The following FBLN7 variants were observed in gnomAD, a reference collection of about 807,000 sequenced individuals.
FBLN7 encodes the protein fibulin-7.
FBLN7 carries 31 observed loss-of-function variants against 44.0 expected under a neutral mutation model. The observed-to-expected ratio is 0.70, with a 90% confidence interval of 0.53 to 0.95. The LOEUF (loss-of-function observed/expected upper bound fraction) is 0.95. Ranked by LOEUF, FBLN7 falls within the 40% of genes least tolerant of loss-of-function variation. The pLI, the probability that FBLN7 is intolerant of heterozygous loss-of-function variation, is 0.00. For synonymous variants in FBLN7, 262 were observed against 253.4 expected, an observed-to-expected ratio of 1.03 and a Z score of -0.32; for missense variants, 573 against 618.5, an observed-to-expected ratio of 0.93 and a Z score of 0.78.
At chr2:112,228,704 G>A in the FBLN7 span, among the ~76,000 whole-genome samples, 609 of 152,056 alleles carry the variant, frequency 4.0e-3, 2 homozygotes, top group Non-Finnish European at 5.8e-3. Context: ...GATACAACAC[G>A]GAAAGCATGA....
rs140000827 is a variant in FBLN7, at chr2:112,159,700, C to T, written c.100C>T (p.Leu34Phe). 1.3e-6 allele frequency: 2 copies of T among 1,575,082 alleles called. No homozygotes were observed. Among genetic ancestry groups the T allele is most frequent in the African/African-American group, 2.8e-5 (2 of 72,342 alleles). ...GAACTGTCTCAGCAAACAGCAGCTCCTCTCGGCCATCCGCCAGCTGCAGCA... is the reference window on the plus strand; with the variant it reads ...GAACTGTCTCAGCAAACAGCAGCTCTTCTCGGCCATCCGCCAGCTGCAGCA... ...SQNCLSKQQLLSAIRQLQQLL... is the reference protein window; with the variant it reads ...SQNCLSKQQLFSAIRQLQQLL... The change falls in exon 2 of 8, where the codon CTC becomes TTC. Residue 34 changes from leucine (L) to phenylalanine (F), a missense_variant. Transcript: ENST00000331203.
At chr2:112,186,152 A>T (rs1195214677) in intron 7 of FBLN7, among the ~76,000 whole-genome samples, 1 of 152,156 alleles carries the variant, frequency 6.6e-6, no homozygotes, top group Non-Finnish European at 1.5e-5. Context: ...AGGGATAGGG[A>T]ACGGGTCTAT....
intron 1 of FBLN7, among the ~76,000 whole-genome samples, chr2:112,143,260 G>C (rs1041821762): frequency 1.1e-4 from 17 of 152,232 alleles, no homozygotes; most frequent in African/African-American, 3.9e-4. Flanking sequence ...CACTGGAAGA[G>C]AAACACCTCA....
downstream of FBLN7, among the ~76,000 whole-genome samples, chr2:112,191,245 G>A (rs550419693): frequency 3.9e-5 from 6 of 152,018 alleles, no homozygotes; most frequent in South Asian, 1.0e-3. Context: ...GTGCAATCTT[G>A]GCTCACTGCA....
Position 112,141,066 on chromosome 2 carries a change from G to C in FBLN7, c.75+2336G>C, listed in dbSNP as rs376998921. ...AGTAGCCCTGGCAAGCCAGGGTGAG[G>C]GGCCCGGCCATGGACTGCCGACCCC... On this transcript the variant is annotated intron_variant, in intron 1 of 7. Transcript: ENST00000331203. 7.3e-4 allele frequency among the ~76,000 whole-genome samples: 111 copies of C among 152,314 alleles called. 1 individual carries two copies. The highest frequency in any genetic ancestry group is 2.6e-3 in the African/African-American group (108 of 41,570).
the FBLN7 span, among the ~76,000 whole-genome samples, chr2:112,207,310 T>TA: frequency 2.6e-5 from 4 of 151,926 alleles, no homozygotes; most frequent in South Asian, 6.2e-4. Flanking sequence ...CTACTAAAAA[T>TA]ACAAAAATTA....
intron 1 of FBLN7, among the ~76,000 whole-genome samples, chr2:112,141,105 T>A (rs1173298039): frequency 6.6e-6 from 1 of 152,132 alleles, no homozygotes; most frequent in East Asian, 1.9e-4. Flanking sequence ...ACCTGCACAA[T>A]ACCAACAGCG....
chr2:112,186,252 C>A (rs1300783345), intron 7 of FBLN7, among the ~76,000 whole-genome samples: 2 of 152,162 alleles, frequency 1.3e-5, no homozygotes, highest in African/African-American at 4.8e-5. Flanking sequence ...TACTAGATTG[C>A]ATTTGTCTTT....
chr2:112,189,802 A>G (rs1573846653), downstream of FBLN7: 2 of 152,226 alleles, frequency 1.3e-5, no homozygotes, highest in African/African-American at 4.8e-5. Flanking sequence ...CATTTCATCT[A>G]TAAATATTTT....
the FBLN7 span, among the ~76,000 whole-genome samples, chr2:112,225,092 T>C: frequency 6.6e-6 from 1 of 152,230 alleles, no homozygotes; most frequent in Non-Finnish European, 1.5e-5. Flanking sequence ...ACTGGTAGTA[T>C]GTAGAAAGAG....
the FBLN7 span, chr2:112,233,217 T>C: frequency 4.0e-6 from 5 of 1,260,502 alleles, no homozygotes; most frequent in South Asian, 4.6e-5. Context: ...AAAATGTTCA[T>C]GTAAATATTT....
intron 1 of FBLN7, among the ~76,000 whole-genome samples, chr2:112,140,205 T>C (rs1250649966): frequency 6.6e-4 from 57 of 86,624 alleles, no homozygotes; most frequent in South Asian, 1.4e-3. Context: ...TCCAGGCCAG[T>C]GTCCCTCCCG....
chr2:112,146,538 G>A (rs1432181054), intron 1 of FBLN7, among the ~76,000 whole-genome samples: 1 of 146,670 alleles, frequency 6.8e-6, no homozygotes, highest in Non-Finnish European at 1.5e-5. Flanking sequence ...CTGTGTGTTA[G>A]ACTTATACCT....
At position 112,160,691 on chromosome 2, in the gene FBLN7, C is replaced by CACAA. The variant is rs1558879648; in HGVS notation, c.235+856_235+857insACAA. 3.0e-3 allele frequency among the ~76,000 whole-genome samples: 359 copies of CACAA among 120,746 alleles called. 62 individuals are homozygous for CACAA. Among genetic ancestry groups the CACAA allele is most frequent in the Non-Finnish European group, 3.8e-3 (213 of 55,624 alleles). The allele number at this position is 120,746 out of a possible 152,430, so 79.2% of individuals were successfully genotyped here. On this transcript the variant is annotated intron_variant, in intron 2 of 7. Coordinates refer to ENST00000331203, the MANE Select transcript of FBLN7 (RefSeq NM_153214.3). ...ACACGCACACGCAGACGCACGCACA[C>CACAA]GCACACACGCACGCACACACACAAG...
At chr2:112,232,302 A>G in the FBLN7 span, among the ~76,000 whole-genome samples, 121 of 148,914 alleles carry the variant, frequency 8.1e-4, 1 homozygote, top group Non-Finnish European at 4.5e-4. Context: ...GCAACAGAGC[A>G]AGATAATGTC....
the FBLN7 span, among the ~76,000 whole-genome samples, chr2:112,239,928 C>T: frequency 2.0e-5 from 3 of 152,132 alleles, no homozygotes; most frequent in African/African-American, 7.2e-5. Flanking sequence ...GGAGTTGTTC[C>T]ACCAGAGGAT....
the FBLN7 span, among the ~76,000 whole-genome samples, chr2:112,195,814 G>T: frequency 6.6e-6 from 1 of 152,250 alleles, no homozygotes; most frequent in Non-Finnish European, 1.5e-5. Flanking sequence ...TCCAGTGCCA[G>T]CCTGTCCTGT....
At chr2:112,151,106 A>C (rs996878943) in intron 1 of FBLN7, among the ~76,000 whole-genome samples, 5 of 152,190 alleles carry the variant, frequency 3.3e-5, no homozygotes, top group African/African-American at 1.2e-4. Context: ...AAAGGCCCCA[A>C]GGTGGGTGTA....
chr2:112,142,342 TACCG>T, intron 1 of FBLN7, among the ~76,000 whole-genome samples: 1 of 152,344 alleles, frequency 6.6e-6, no homozygotes, highest in African/African-American at 2.4e-5. Context: ...TCTGGCGTAG[TACCG>T]ATCATCATTT....
Sources: allele counts gnomAD v4.1 joint callset (sites outside exome capture counted in the v4.1 genomes callset), GRCh38; gene constraint gnomAD v4.1.1; transcripts MANE v1.5; gene names NCBI Gene and HGNC (gene_info 2026-07-23, HGNC 2026-07-21).